Variants in UXS1 observed in about 807,000 individuals in gnomAD.
UXS1 encodes UDP-glucuronate decarboxylase 1.
Under a neutral mutation model 62.6 loss-of-function variants are expected in UXS1, and 33 were observed. That is an observed-to-expected ratio of 0.53 (90% CI 0.40 to 0.70). UXS1 has a LOEUF of 0.70. UXS1 is among the 30% of genes least tolerant of loss of function. The pLI is 0.00. For missense variants in UXS1, 434 were observed against 556.3 expected (o/e 0.78, Z 2.21); for synonymous variants, 213 against 206.8 (o/e 1.03, Z -0.26).
At chr2:106,114,019 C>G (rs577949399) in intron 9 of UXS1, among the ~76,000 whole-genome samples, 1 of 152,214 alleles carries the variant, frequency 6.6e-6, no homozygotes, top group African/African-American at 2.4e-5. Flanking sequence ...CCTTAGCTAA[C>G]AAGGCTTACT....
chr2:106,110,899 A>G (rs1350219087), intron 10 of UXS1, among the ~76,000 whole-genome samples: 2 of 152,230 alleles, frequency 1.3e-5, no homozygotes, highest in East Asian at 3.9e-4. Context: ...GCAGAGAAGC[A>G]TCAAGAAGGT....
At chr2:106,110,170 C>T (rs142370998) in intron 10 of UXS1, among the ~76,000 whole-genome samples, 108 of 152,306 alleles carry the variant, frequency 7.1e-4, no homozygotes, top group Non-Finnish European at 1.3e-3. Context: ...TGAAAGGCCT[C>T]CCTCGGGACT....
chr2:106,171,140 T>C (rs1346315873), intron 1 of UXS1, among the ~76,000 whole-genome samples: 1 of 152,258 alleles, frequency 6.6e-6, no homozygotes, highest in Non-Finnish European at 1.5e-5. Context: ...GTTCTCATTA[T>C]GTTGGTATCC....
intron 1 of UXS1, among the ~76,000 whole-genome samples, chr2:106,171,571 T>C (rs2105078405): frequency 6.6e-6 from 1 of 152,282 alleles, no homozygotes; most frequent in South Asian, 2.1e-4. Context: ...AAGAGGCACA[T>C]TTGTTTTAGA....
intron 1 of UXS1, among the ~76,000 whole-genome samples, chr2:106,166,885 C>A (rs17032563): frequency 0.02 from 3,073 of 152,200 alleles, 41 homozygotes; most frequent in Admixed American, 0.05. Flanking sequence ...GAGCTAGTCA[C>A]AAAAATCAAA....
chr2:106,097,451 T>C (rs1573385643), intron 13 of UXS1: 1 of 347,118 alleles, frequency 2.9e-6, no homozygotes, highest in East Asian at 7.5e-5. Context: ...CTCCGTGTCA[T>C]GGAGGCCACA....
intron 1 of UXS1, chr2:106,183,477 TACTTC>T (rs1263723108): frequency 1.3e-5 from 2 of 152,244 alleles, no homozygotes; most frequent in Non-Finnish European, 2.9e-5. Context: ...GCTGTTGCTT[TACTTC>T]ACTTATTTAT....
intron 4 of UXS1, among the ~76,000 whole-genome samples, chr2:106,161,029 T>C (rs1682856309): frequency 6.6e-6 from 1 of 152,268 alleles, no homozygotes; most frequent in African/African-American, 2.4e-5. Context: ...ATGCATGTCA[T>C]CCTGTTTTCC....
chr2:106,122,849 C>T, intron 9 of UXS1, 121 bp downstream of exon 9: 1 of 1,326,472 alleles, frequency 7.5e-7, no homozygotes, highest in Non-Finnish European at 1.0e-6. Context: ...GGAAACTGAG[C>T]TTCCCAAACA....
intron 6 of UXS1, among the ~76,000 whole-genome samples, chr2:106,130,408 A>T (rs1021597900): frequency 6.6e-6 from 1 of 152,198 alleles, no homozygotes; most frequent in Non-Finnish European, 1.5e-5. Flanking sequence ...CATAGCAGAG[A>T]AGTCCTCGGG....
At position 106,157,969 on chromosome 2, in the gene UXS1, A is replaced by C. The variant is rs201076053; in HGVS notation, c.291+89T>G. The stretch of plus-strand genomic sequence containing the variant: ...AAGCCACTGAATCGTATCTTTGAGA[A>C]GCGTGAATTCTATGATATGTGAATT... On this transcript the variant is annotated intron_variant, in intron 5 of 14. Coordinates refer to ENST00000283148, the MANE Select transcript of UXS1 (RefSeq NM_001253875.2). 214 of 1,139,488 alleles carry C rather than the reference A, an allele frequency of 1.9e-4. 1 individual carries two copies. The East Asian group carries it at 5.5e-3, about 29-fold the overall frequency. 70.6% of individuals were successfully genotyped at this position (1,139,488 alleles called of 1,614,324 possible).
At chr2:106,096,359 AT>A (rs1677102440) in intron 14 of UXS1, among the ~76,000 whole-genome samples, 1 of 152,136 alleles carries the variant, frequency 6.6e-6, no homozygotes, top group Non-Finnish European at 1.5e-5. Flanking sequence ...GTGTGTTTGT[AT>A]GACAGTGTAT....
intron 10 of UXS1, among the ~76,000 whole-genome samples, chr2:106,106,400 CT>C (rs1331369551): frequency 1.3e-5 from 2 of 151,764 alleles, no homozygotes; most frequent in African/African-American, 4.8e-5. Context: ...ATCAAACCCC[CT>C]GAAAGCCTTA....
At chr2:106,158,643 G>A (rs1682653176) in intron 4 of UXS1, among the ~76,000 whole-genome samples, 2 of 152,100 alleles carry the variant, frequency 1.3e-5, no homozygotes, top group Admixed American at 6.5e-5. Flanking sequence ...TCCTTGTTTC[G>A]AGATTGAAGC....
At chr2:106,184,709 C>T (rs1018479368) in intron 1 of UXS1, among the ~76,000 whole-genome samples, 5 of 152,172 alleles carry the variant, frequency 3.3e-5, no homozygotes, top group Admixed American at 3.3e-4. Context: ...CTCCCAAATA[C>T]CCCACCTCTT....
At chr2:106,123,730 G>A (rs561382571) in intron 8 of UXS1, among the ~76,000 whole-genome samples, 7 of 152,276 alleles carry the variant, frequency 4.6e-5, no homozygotes, top group Admixed American at 1.3e-4. Context: ...AAGAAAACAC[G>A]TAACAAATTC....
intron 1 of UXS1, among the ~76,000 whole-genome samples, chr2:106,184,146 C>T (rs1489953315): frequency 3.3e-5 from 5 of 152,124 alleles, no homozygotes; most frequent in Admixed American, 6.6e-5. Flanking sequence ...GAGGCAAAAT[C>T]GCACCACTGC....
intron 2 of UXS1, among the ~76,000 whole-genome samples, chr2:106,165,259 G>A (rs891796010): frequency 2.6e-5 from 4 of 152,118 alleles, no homozygotes; most frequent in Non-Finnish European, 4.4e-5. Context: ...CACATGCCCT[G>A]GTGGTAGGAA....
chr2:106,166,824 A>C (rs1290908126), intron 1 of UXS1, among the ~76,000 whole-genome samples: 1 of 151,988 alleles, frequency 6.6e-6, no homozygotes, highest in African/African-American at 2.4e-5. Context: ...CACCTAGCTA[A>C]GGATGCATGT....
Sources: gnomAD v4.1 joint callset for allele counts (sites outside exome capture counted in the v4.1 genomes callset) on GRCh38, gnomAD v4.1.1 for gene constraint, MANE v1.5 for transcripts, NCBI Gene and HGNC (gene_info 2026-07-23, HGNC 2026-07-21) for gene names.